GP2: variants seen among roughly 807,000 people sequenced by gnomAD.
GP2 encodes the protein glycoprotein 2.
A neutral mutation model predicts 60.8 loss-of-function variants in GP2; 58 were observed. That is an observed-to-expected ratio of 0.95 (90% CI 0.77 to 1.19). The LOEUF (loss-of-function observed/expected upper bound fraction) is 1.19, where lower values mean the gene tolerates loss of function less well. Among genes scored for constraint, GP2 ranks in the 50% most tolerant of loss-of-function variants. The pLI, the probability that GP2 is intolerant of heterozygous loss-of-function variation, is 0.00. For missense variants in GP2, 647 were observed against 667.4 expected (o/e 0.97, Z 0.34); for synonymous variants, 280 against 253.4 (o/e 1.10, Z -1.00).
rs147628966 is a variant in GP2 at position 20,324,080 on chromosome 16, C to T, written c.271G>A (p.Gly91Ser). 4.5e-5 allele frequency: 73 copies of T among 1,613,968 alleles called. No homozygotes were observed. The African/African-American group carries it at 5.7e-4, about 13-fold the overall frequency. ...GSQGCDKNMS[G>S]WYRFVGEGGV... Reference sequence around the variant, plus strand: ...CCTTCCCCTACAAAGCGGTACCAGCCGCTCATGTTTTTATCGCACCCCTGG... The same window carrying T: ...CCTTCCCCTACAAAGCGGTACCAGCTGCTCATGTTTTTATCGCACCCCTGG... The change falls in exon 3 of 11, where the codon GGC becomes AGC. Residue 91 changes from glycine (G) to serine (S), a missense_variant. Gly to Ser is a moderately conservative substitution (Grantham distance 56). Transcript: ENST00000302555.
At chr16:20,319,488 G>A in intron 6 of GP2, 132 bp downstream of exon 6, 2 of 661,372 alleles carry the variant, frequency 3.0e-6, no homozygotes, top group Non-Finnish European at 5.4e-6. Context: ...CTTGTGGAAT[G>A]AATGACTGAA....
Position 20,310,963 on chromosome 16 carries a change from G to A in GP2, c.*260C>T, listed in dbSNP as rs1203734827. ...GTAGAGACGGAGTTTCAGCATTTTG[G>A]CCAGGCTGATTTTGAACTGCTGACC... On this transcript the variant is annotated 3_prime_UTR_variant, in exon 11 of 11. Transcript: ENST00000302555. 2 of 269,178 alleles carry A rather than the reference G, an allele frequency of 7.4e-6. No homozygotes were observed. The highest frequency in any genetic ancestry group is 5.7e-5 in the South Asian group (1 of 17,432). The allele number at this position is 269,178 out of a possible 1,614,324, so 16.7% of individuals were successfully genotyped here. A position where few individuals can be genotyped will look rare whatever the true frequency, so the allele number is the denominator to read the frequency against.
intron 6 of GP2, among the ~76,000 whole-genome samples, chr16:20,318,950 A>G (rs1643891386): frequency 6.6e-6 from 1 of 152,098 alleles, no homozygotes; most frequent in African/African-American, 2.4e-5. Context: ...TGAGACGGGC[A>G]CTCTGGATTT....
chr16:20,326,593 G>A (rs899106952), intron 1 of GP2, 126 bp from the exon 2 acceptor site: 5 of 731,638 alleles, frequency 6.8e-6, no homozygotes, highest in African/African-American at 3.6e-5. Context: ...GACAGATAGA[G>A]CGAGATAATG....
rs1461281287 is a variant in GP2, at chr16:20,310,525, T to C, written c.*698A>G. 3 of 152,134 alleles carry C rather than the reference T, an allele frequency of 2.0e-5. No individual in the cohort carries two copies. Among genetic ancestry groups the C allele is most frequent in the Non-Finnish European group, 4.4e-5 (3 of 68,054 alleles). The allele number at this position is 152,134 out of a possible 1,614,324, so 9.4% of individuals were successfully genotyped here. On this transcript the variant is annotated 3_prime_UTR_variant, in exon 11 of 11. Coordinates refer to ENST00000302555, the MANE Select transcript of GP2 (RefSeq NM_001502.4). Reference sequence around the variant, plus strand: ...GTCAGTTTCTTCAATTCATGAGCAGTCAGAACAGGAGATGCTTAGGAAGGA... The same window carrying C: ...GTCAGTTTCTTCAATTCATGAGCAGCCAGAACAGGAGATGCTTAGGAAGGA...
intron 2 of GP2, among the ~76,000 whole-genome samples, chr16:20,325,591 G>A (rs1356115468): frequency 3.3e-5 from 5 of 152,044 alleles, no homozygotes; most frequent in Non-Finnish European, 7.4e-5. Flanking sequence ...ACAGCACCAG[G>A]GTCAAGCTAA....
At chr16:20,321,166 T>C (rs1567290569) in intron 4 of GP2, among the ~76,000 whole-genome samples, 1 of 151,564 alleles carries the variant, frequency 6.6e-6, no homozygotes, top group Non-Finnish European at 1.5e-5. Context: ...TTCTCCTGCC[T>C]CAGCCTCCCA....
chr16:20,323,357 C>T (rs4411505), intron 3 of GP2: 388,042 of 717,782 alleles, frequency 0.54, 107,685 homozygotes, highest in East Asian at 0.82. Flanking sequence ...GTGCCCCTAA[C>T]TGGGGTAATT....
intron 3 of GP2, 21 bp from the exon 4 acceptor site, chr16:20,323,000 A>T: frequency 7.2e-7 from 1 of 1,384,798 alleles, no homozygotes; most frequent in Non-Finnish European, 1.0e-6. Flanking sequence ...GGGCATGGAG[A>T]GAGAAGATCA....
chr16:20,314,558 A>C (rs1218383668), intron 10 of GP2, 99 bp downstream of exon 10: 11 of 842,882 alleles, frequency 1.3e-5, no homozygotes, highest in Non-Finnish European at 1.9e-5. Context: ...GATTAATGTC[A>C]GTGTCCCTAG....
At chr16:20,324,982 G>A (rs1470340016) in intron 2 of GP2, among the ~76,000 whole-genome samples, 1 of 152,218 alleles carries the variant, frequency 6.6e-6, no homozygotes, top group Non-Finnish European at 1.5e-5. Flanking sequence ...TGGTCTCCAG[G>A]CATTGCCAAA....
chr16:20,325,096 T>G (rs1408414133), intron 2 of GP2, among the ~76,000 whole-genome samples: 1 of 152,238 alleles, frequency 6.6e-6, no homozygotes, highest in Non-Finnish European at 1.5e-5. Context: ...GAAACTGTGA[T>G]GTATGAAGAG....
chr16:20,323,525 A>G (rs1036553886), intron 3 of GP2: 1 of 482,972 alleles, frequency 2.1e-6, no homozygotes, highest in African/African-American at 2.0e-5. Context: ...ACTGAGGCTC[A>G]GGGAGGCAAA....
rs767786893 is a variant in GP2, at chr16:20,323,488, C to A, written c.535+328G>T. 1.9e-4 allele frequency: 115 copies of A among 589,990 alleles called. 2 individuals carry two copies. Among genetic ancestry groups the A allele is most frequent in the South Asian group, 1.1e-3 (62 of 55,800 alleles). 36.5% of individuals were successfully genotyped at this position (589,990 alleles called of 1,614,324 possible). On this transcript the variant is annotated intron_variant, in intron 3 of 10. Coordinates refer to ENST00000302555, the MANE Select transcript of GP2 (RefSeq NM_001502.4). ...TATTAGCTGTTATTTTTGCTGTACC[C>A]CCCCCCCCTTTTTTTCAGATCAGAA...
At chr16:20,321,034 T>A (rs955481522) in intron 4 of GP2, among the ~76,000 whole-genome samples, 1 of 151,132 alleles carries the variant, frequency 6.6e-6, no homozygotes, top group African/African-American at 2.4e-5. Context: ...AACCACATTA[T>A]CTCTCTCTCT....
At chr16:20,321,535 A>T (rs1964356686) in intron 4 of GP2, among the ~76,000 whole-genome samples, 1 of 152,228 alleles carries the variant, frequency 6.6e-6, no homozygotes, top group Admixed American at 6.5e-5. Context: ...AAGAAGGTCT[A>T]TCTGAGTCTC....
intron 7 of GP2, among the ~76,000 whole-genome samples, chr16:20,317,754 C>A (rs1193781992): frequency 6.6e-6 from 1 of 152,180 alleles, no homozygotes; most frequent in Non-Finnish European, 1.5e-5. Flanking sequence ...AGCTCAATGA[C>A]AAATATTAGC....
In GP2 at chr16:20,317,122, G is replaced by A. The variant is rs148478093; in HGVS notation, c.1416+91C>T. The A allele has an allele frequency of 6.0e-4, 74 of 122,480 alleles. 2 individuals are homozygous for A. The East Asian group carries it at 0.013, about 21-fold the overall frequency. 7.6% of individuals were successfully genotyped at this position (122,480 alleles called of 1,614,324 possible). On this transcript the variant is annotated intron_variant, in intron 8 of 10. Transcript: ENST00000302555. ...TTCCCCTCCCTCCCACCCTCCCTGC[G>A]TTTATAATTCCAATAAATATATATG...
In GP2 at chr16:20,319,894, T is replaced by C. The variant is rs1323546676; in HGVS notation, c.859-126A>G. Reference sequence around the variant, plus strand: ...GCAGCCACCCTACCTTCTGAGCTCATGGAGGTCAAGGGACCTCTTCCTTCA... The same window carrying C: ...GCAGCCACCCTACCTTCTGAGCTCACGGAGGTCAAGGGACCTCTTCCTTCA... On this transcript the variant is annotated intron_variant, in intron 5 of 10. Coordinates refer to ENST00000302555, the MANE Select transcript of GP2 (RefSeq NM_001502.4). The C allele has an allele frequency of 1.6e-5, 12 of 764,840 alleles. No homozygotes were observed. In the Admixed American group the frequency reaches 1.9e-4, roughly 12 times the overall value. The allele number at this position is 764,840 out of a possible 1,614,324, so 47.4% of individuals were successfully genotyped here. A position where few individuals can be genotyped will look rare whatever the true frequency, so the allele number is the denominator to read the frequency against.
Sources: allele counts gnomAD v4.1 joint callset (sites outside exome capture counted in the v4.1 genomes callset), GRCh38; gene constraint gnomAD v4.1.1; transcripts MANE v1.5; gene names NCBI Gene and HGNC (gene_info 2026-07-23, HGNC 2026-07-21).